The following CADM1 variants were observed in gnomAD, a reference collection of about 807,000 sequenced individuals.
CADM1 encodes the protein TSLC-1.
Under a neutral mutation model 53.1 loss-of-function variants are expected in CADM1, and 15 were observed. The ratio of observed to expected loss-of-function variants is 0.28; its 90% CI spans 0.19 to 0.44. The LOEUF (loss-of-function observed/expected upper bound fraction) is 0.44, where lower values mean the gene tolerates loss of function less well. CADM1 is among the 20% of genes least tolerant of loss of function. CADM1 has a pLI of 1.00. For missense variants in CADM1, 434 were observed against 611.3 expected (o/e 0.71, Z 3.06); for synonymous variants, 281 against 243.0 (o/e 1.16, Z -1.45).
intron 1 of CADM1, among the ~76,000 whole-genome samples, chr11:115,276,854 G>A (rs1191615681): frequency 5.9e-5 from 9 of 152,090 alleles, no homozygotes; most frequent in Non-Finnish European, 8.8e-5. Flanking sequence ...CTCAGCACCC[G>A]AAAACCCTTA....
chr11:115,411,048 T>C (rs980760969), intron 1 of CADM1, among the ~76,000 whole-genome samples: 4 of 152,210 alleles, frequency 2.6e-5, no homozygotes, highest in African/African-American at 9.6e-5. Context: ...GCAGCACCTA[T>C]ACAATAAATC....
At chr11:115,179,820 C>A (rs1448501769) in intron 10 of CADM1, among the ~76,000 whole-genome samples, 1 of 151,988 alleles carries the variant, frequency 6.6e-6, no homozygotes, top group Non-Finnish European at 1.5e-5. Context: ...CGGTAAAAAT[C>A]TTTTAACTTT....
intron 1 of CADM1, among the ~76,000 whole-genome samples, chr11:115,423,150 G>A (rs1478390607): frequency 6.6e-6 from 1 of 151,908 alleles, no homozygotes; most frequent in East Asian, 1.9e-4. Context: ...TTCAACATTC[G>A]AGTGAACACC....
chr11:115,296,084 G>C (rs1162715884), intron 1 of CADM1, among the ~76,000 whole-genome samples: 2 of 152,112 alleles, frequency 1.3e-5, no homozygotes, highest in African/African-American at 2.4e-5. Flanking sequence ...CCGAGTAGCT[G>C]GGACTACAGG....
At chr11:115,348,974 T>C (rs2135051602) in intron 1 of CADM1, among the ~76,000 whole-genome samples, 1 of 152,304 alleles carries the variant, frequency 6.6e-6, no homozygotes, top group Middle Eastern at 3.4e-3. Context: ...CATGCTAATG[T>C]GACATTTTAC....
At chr11:115,467,340 G>A (rs952135828) in intron 1 of CADM1, among the ~76,000 whole-genome samples, 6 of 152,180 alleles carry the variant, frequency 3.9e-5, no homozygotes, top group African/African-American at 9.6e-5. Flanking sequence ...GAATGAGCTC[G>A]AATACGCAAA....
chr11:115,332,455 C>T (rs1034179375), intron 1 of CADM1, among the ~76,000 whole-genome samples: 5 of 152,072 alleles, frequency 3.3e-5, no homozygotes, highest in African/African-American at 7.2e-5. Flanking sequence ...ATTAGTAAAG[C>T]CATCAAAAGG....
intron 1 of CADM1, among the ~76,000 whole-genome samples, chr11:115,279,277 G>A (rs758666364): frequency 3.9e-5 from 6 of 151,982 alleles, no homozygotes; most frequent in Non-Finnish European, 7.4e-5. Context: ...TGGATTTGGG[G>A]GTATAGTCAA....
At chr11:115,237,470 G>C (rs535393847) in intron 3 of CADM1, among the ~76,000 whole-genome samples, 30 of 152,200 alleles carry the variant, frequency 2.0e-4, no homozygotes, top group Non-Finnish European at 4.3e-4. Context: ...TTGAAGTAAA[G>C]TAATGAGGCA....
chr11:115,319,423 C>T (rs1042198140), intron 1 of CADM1, among the ~76,000 whole-genome samples: 7 of 152,284 alleles, frequency 4.6e-5, no homozygotes, highest in Non-Finnish European at 7.4e-5. Flanking sequence ...TTTGTGGAAG[C>T]ACCATACGTG....
chr11:115,380,083 G>A (rs959333857), intron 1 of CADM1, among the ~76,000 whole-genome samples: 2 of 152,052 alleles, frequency 1.3e-5, no homozygotes, highest in African/African-American at 4.8e-5. Context: ...CAGCCCCTTC[G>A]CGTTTAAAAC....
At chr11:115,205,412 A>T (rs1221145938) in intron 8 of CADM1, among the ~76,000 whole-genome samples, 1 of 152,186 alleles carries the variant, frequency 6.6e-6, no homozygotes, top group Non-Finnish European at 1.5e-5. Flanking sequence ...CTAATTACAA[A>T]GAAAGTTAAA....
chr11:115,378,211 G>A (rs1362962571), intron 1 of CADM1, among the ~76,000 whole-genome samples: 1 of 152,086 alleles, frequency 6.6e-6, no homozygotes, highest in African/African-American at 2.4e-5. Flanking sequence ...TGACCACGCA[G>A]GGAGAGTAAT....
intron 1 of CADM1, among the ~76,000 whole-genome samples, chr11:115,491,003 C>T (rs1319018798): frequency 6.6e-6 from 1 of 151,946 alleles, no homozygotes; most frequent in Admixed American, 6.6e-5. Flanking sequence ...CTGAGATGTC[C>T]AAGAGGCACT....
At chr11:115,452,000 C>A (rs1357852304) in intron 1 of CADM1, among the ~76,000 whole-genome samples, 3 of 151,998 alleles carry the variant, frequency 2.0e-5, no homozygotes, top group African/African-American at 7.3e-5. Flanking sequence ...GGAAGAGAAA[C>A]CGAGGGAGAA....
intron 10 of CADM1, 134 bp from the exon 11 acceptor site, chr11:115,178,909 T>C (rs1168233033): frequency 2.1e-6 from 2 of 955,150 alleles, no homozygotes; most frequent in African/African-American, 1.6e-5. Flanking sequence ...TCGAGATGGA[T>C]CAAGTTACAC....
chr11:115,309,725 G>T (rs774600645), intron 1 of CADM1, among the ~76,000 whole-genome samples: 8 of 152,088 alleles, frequency 5.3e-5, no homozygotes, highest in African/African-American at 1.7e-4. Flanking sequence ...TCCCCCGGCC[G>T]TGTGACTTAA....
intron 1 of CADM1, chr11:115,397,598 G>C (rs1233722442): frequency 6.6e-6 from 1 of 152,142 alleles, no homozygotes; most frequent in Non-Finnish European, 1.5e-5. Context: ...CTTTCTTTGA[G>C]TTTCAGTCTC....
intron 1 of CADM1, among the ~76,000 whole-genome samples, chr11:115,417,262 A>G (rs1269047448): frequency 1.3e-5 from 2 of 152,220 alleles, no homozygotes; most frequent in African/African-American, 4.8e-5. Flanking sequence ...TTTTAATTGA[A>G]TCATGCATTA....
Sources: gnomAD v4.1 joint callset for allele counts (sites outside exome capture counted in the v4.1 genomes callset) on GRCh38, gnomAD v4.1.1 for gene constraint, MANE v1.5 for transcripts, NCBI Gene and HGNC (gene_info 2026-07-23, HGNC 2026-07-21) for gene names.